Variants in TP73 observed in about 807,000 individuals in gnomAD.
TP73 encodes tumor protein p73.
Under a neutral mutation model 62.5 loss-of-function variants are expected in TP73, and 25 were observed. That is an observed-to-expected ratio of 0.40 (90% confidence interval 0.29 to 0.56). The LOEUF (loss-of-function observed/expected upper bound fraction) is 0.56, where lower values mean the gene tolerates loss of function less well. Among genes scored for constraint, TP73 ranks in the 20% least tolerant of loss-of-function variants. The pLI, the probability that TP73 is intolerant of heterozygous loss-of-function variation, is 0.46. For synonymous variants in TP73, 423 were observed against 377.5 expected (o/e 1.12, Z -1.40); for missense variants, 754 against 913.3 (o/e 0.83, Z 2.25).
intron 4 of TP73, among the ~76,000 whole-genome samples, chr1:3,715,658 A>C (rs969100975): frequency 3.3e-5 from 5 of 152,084 alleles, no homozygotes; most frequent in Non-Finnish European, 7.4e-5. Flanking sequence ...GGTGGACAGC[A>C]CTCACTGTCT....
At chr1:3,667,094 T>C (rs968785596) in intron 1 of TP73, among the ~76,000 whole-genome samples, 2 of 152,058 alleles carry the variant, frequency 1.3e-5, no homozygotes. Context: ...ATTTCAGAGA[T>C]GGAGGAAAGT....
chr1:3,665,966 C>T (rs1645102824), intron 1 of TP73, among the ~76,000 whole-genome samples: 1 of 151,204 alleles, frequency 6.6e-6, no homozygotes, highest in African/African-American at 2.4e-5. Flanking sequence ...GAAACCCCAT[C>T]TCTACTAAAA....
intron 1 of TP73, among the ~76,000 whole-genome samples, chr1:3,679,963 CTT>C (rs1488883212): frequency 1.3e-5 from 2 of 152,056 alleles, no homozygotes; most frequent in African/African-American, 2.4e-5. Context: ...TTGTCTCTCT[CTT>C]TGTCCCTGTC....
chr1:3,723,494 C>G (rs2124486473), intron 6 of TP73, 25 bp downstream of exon 6: 1 of 1,543,564 alleles, frequency 6.5e-7, no homozygotes. Context: ...AGGCTGTGCC[C>G]AGGGCCCTGC....
At chr1:3,727,864 C>T in intron 8 of TP73, 94 bp downstream of exon 8, 1 of 1,439,346 alleles carries the variant, frequency 6.9e-7, no homozygotes, top group Non-Finnish European at 9.1e-7. Flanking sequence ...GGGACAGGGC[C>T]AGTCCCTGAA....
At position 3,730,023 on chromosome 1, in the gene TP73, A is replaced by C. The variant is rs761178877; in HGVS notation, c.1220A>C (p.Tyr407Ser). The C allele has an allele frequency of 4.4e-6, 7 of 1,606,944 alleles. No individual in the cohort carries two copies. Among genetic ancestry groups the C allele is most frequent in the Non-Finnish European group, 6.0e-6 (7 of 1,175,820 alleles). The change falls in exon 11 of 14, where the codon TAC (tyrosine) becomes TCC (serine). Residue 407 changes from tyrosine (Y) to serine (S), a missense_variant. Physicochemically the swap from Tyr to Ser is moderately radical, Grantham distance 144. This residue lies in a region of TP73 where 458 missense variants were observed against 528.7 expected (regional missense o/e 0.87). Coordinates refer to ENST00000378295, the MANE Select transcript of TP73 (RefSeq NM_005427.4). Reference sequence around the variant, plus strand: ...AGGAGTCACCTACAGCCCCCGTCCTACGGGCCGGTCCTCTCGCCCATGAAC... The same window carrying C: ...AGGAGTCACCTACAGCCCCCGTCCTCCGGGCCGGTCCTCTCGCCCATGAAC... ...QRPSHLQPPS[Y>S]GPVLSPMNKV...
intron 7 of TP73, 180 bp from the exon 8 acceptor site, chr1:3,727,447 GC>G: frequency 9.7e-7 from 1 of 1,025,880 alleles, no homozygotes; most frequent in Non-Finnish European, 1.4e-6. Context: ...TCTCAGGGCA[GC>G]CTCACAGCTT....
chr1:3,713,535 C>T (rs866699758), intron 4 of TP73, among the ~76,000 whole-genome samples: 4 of 152,294 alleles, frequency 2.6e-5, no homozygotes, highest in African/African-American at 4.8e-5. Flanking sequence ...TTTTGCTTCC[C>T]GGTCTGGTGG....
chr1:3,721,024 A>G (rs1488146850), intron 4 of TP73, among the ~76,000 whole-genome samples: 1 of 152,220 alleles, frequency 6.6e-6, no homozygotes, highest in East Asian at 1.9e-4. Context: ...TGAGCCTGAG[A>G]CTGGGGATCA....
intron 4 of TP73, among the ~76,000 whole-genome samples, chr1:3,718,500 G>A (rs962935038): frequency 3.1e-4 from 47 of 152,300 alleles, no homozygotes; most frequent in Admixed American, 1.1e-3. Flanking sequence ...TGAGGCCCAG[G>A]CGGGCGGGAG....
rs544995285 is a variant in TP73, at chr1:3,707,813, G to A, written c.429+22G>A. ...GACGGTGAGTTCCCCTAGTCCCTGA[G>A]GGCTGCGGGCTGCGGGCTGCGGGCT... On this transcript the variant is annotated intron_variant, in intron 4 of 13. Transcript: ENST00000378295. 2.7e-5 allele frequency: 43 copies of A among 1,589,312 alleles called. No individual in the cohort carries two copies. The South Asian group carries it at 4.7e-4, about 18-fold the overall frequency.
At chr1:3,707,210 G>A (rs1176255668) in intron 3 of TP73, among the ~76,000 whole-genome samples, 1 of 152,182 alleles carries the variant, frequency 6.6e-6, no homozygotes, top group Non-Finnish European at 1.5e-5. Flanking sequence ...CCGCCCGGAG[G>A]GTACAGTGAA....
Position 3,723,355 on chromosome 1 carries a change from A to G in TP73, c.618A>G (p.Gly206=). ...TGAAGTGTCGACCCCTCCCGGCAGGACAGTCTGCTCCAGCCAGCCACCTCA... is the reference window on the plus strand; with the variant it reads ...TGAAGTGTCGACCCCTCCCGGCAGGGCAGTCTGCTCCAGCCAGCCACCTCA... ...NHELGRDFNE[G]QSAPASHLIR... The change falls in exon 6 of 14, where the codon GGA becomes GGG. Residue 206 remains glycine (G), a splice_region_variant and synonymous_variant. Transcript: ENST00000378295. 1 of 1,612,322 alleles carries G rather than the reference A, an allele frequency of 6.2e-7. No individual in the cohort carries two copies. The highest frequency in any genetic ancestry group is 8.5e-7 in the Non-Finnish European group (1 of 1,179,664).
chr1:3,669,190 C>G (rs1645186062), intron 1 of TP73, among the ~76,000 whole-genome samples: 1 of 152,252 alleles, frequency 6.6e-6, no homozygotes, highest in Non-Finnish European at 1.5e-5. Context: ...TTGGCTCGCC[C>G]TCCTCTCGGC....
In TP73 at chr1:3,662,036, G is replaced by T. The variant is rs1305933856; in HGVS notation, c.-34+9395G>T. On this transcript the variant is annotated intron_variant, in intron 1 of 13. Transcript: ENST00000378295. This position sits in a 1 kb window ranked among gnomAD's most constrained non-coding sequence, Gnocchi z 4.4. ...ATGGTGCCACTGCACTCTAGCCTGG[G>T]TGACAGAGTGAGACCCTGTCTCAAA... is the stretch of plus-strand genomic sequence containing the variant. The T allele has an allele frequency of 6.6e-6, 1 of 150,578 alleles. No homozygotes were observed. The highest frequency in any genetic ancestry group is 2.4e-5 in the African/African-American group (1 of 40,936). 9.3% of individuals were successfully genotyped at this position (150,578 alleles called of 1,614,324 possible).
In TP73 at chr1:3,696,219, TGAA is replaced by T. The variant is rs146302179; in HGVS notation, c.187-11328_187-11326del. On this transcript the variant is annotated intron_variant, in intron 3 of 13. Transcript: ENST00000378295. This position sits in a 1 kb window ranked among gnomAD's most constrained non-coding sequence, Gnocchi z 4.1. Reference sequence around the variant, plus strand: ...TGGTGGTCAGGCTTAGGGTGGAGTTTGAAGGTGACCTTAGAGGAAGAGCAGGGG... The same window carrying T: ...TGGTGGTCAGGCTTAGGGTGGAGTTTGGTGACCTTAGAGGAAGAGCAGGGG... Among the ~76,000 whole-genome samples the T allele has an allele frequency of 0.011, 1,599 of 152,104 alleles. 29 individuals carry two copies. Among genetic ancestry groups the T allele is most frequent in the African/African-American group, 0.037 (1,531 of 41,448 alleles).
At chr1:3,729,572 T>C (rs1570645045) in intron 10 of TP73, 124 bp downstream of exon 10, 9 of 1,545,454 alleles carry the variant, frequency 5.8e-6, no homozygotes, top group South Asian at 1.1e-5. Context: ...GGCAGCAGGG[T>C]CCAGAGCAGA....
chr1:3,707,823 C>T, intron 4 of TP73, 32 bp downstream of exon 4: 1 of 1,593,708 alleles, frequency 6.3e-7, no homozygotes, highest in East Asian at 2.3e-5. Flanking sequence ...GGGCTGCGGG[C>T]TGCGGGCTGC....
chr1:3,704,050 G>A (rs1313217853), intron 3 of TP73, among the ~76,000 whole-genome samples: 1 of 152,194 alleles, frequency 6.6e-6, no homozygotes, highest in African/African-American at 2.4e-5. Context: ...CTGGGCAGCT[G>A]GACTGGGGGA....
Sources: gnomAD v4.1 joint callset for allele counts (sites outside exome capture counted in the v4.1 genomes callset) on GRCh38, gnomAD v4.1.1 for gene constraint, gnomAD v4.1.1 regional missense constraint, Gnocchi (gnomAD v3.1) non-coding constraint, MANE v1.5 for transcripts, NCBI Gene and HGNC (gene_info 2026-07-23, HGNC 2026-07-21) for gene names.